KCNQ5: variants seen among roughly 807,000 people sequenced by gnomAD.
KCNQ5 encodes potassium voltage-gated channel subfamily KQT member 5.
In KCNQ5, 30 loss-of-function variants were observed where a neutral mutation model predicts 98.2. That is an observed-to-expected ratio of 0.31 (90% confidence interval 0.23 to 0.41). The LOEUF (loss-of-function observed/expected upper bound fraction) is 0.41, where lower values mean the gene tolerates loss of function less well. Among genes scored for constraint, KCNQ5 ranks in the 10% least tolerant of loss-of-function variants. KCNQ5 has a pLI of 1.00. For synonymous variants in KCNQ5, 458 were observed against 449.4 expected (o/e 1.02, Z -0.24); for missense variants, 835 against 1,182.5 (o/e 0.71, Z 4.31).
At chr6:73,037,894 T>C (rs1771511499) in intron 2 of KCNQ5, among the ~76,000 whole-genome samples, 1 of 152,114 alleles carries the variant, frequency 6.6e-6, no homozygotes, top group Non-Finnish European at 1.5e-5. Flanking sequence ...AATAAGTTTG[T>C]ATCTACCCCC....
At chr6:73,069,641 A>G (rs1773220279) in intron 3 of KCNQ5, among the ~76,000 whole-genome samples, 1 of 152,092 alleles carries the variant, frequency 6.6e-6, no homozygotes, top group Non-Finnish European at 1.5e-5. Flanking sequence ...ACAGGAGCAT[A>G]CCTCAGACCT....
Position 72,942,299 on chromosome 6 carries a change from A to G in KCNQ5, c.399-61609A>G, listed in dbSNP as rs569251792. Among the ~76,000 whole-genome samples the G allele has an allele frequency of 2.2e-3, 342 of 152,338 alleles. 1 individual carries two copies. Among genetic ancestry groups the G allele is most frequent in the African/African-American group, 7.9e-3 (330 of 41,576 alleles). ...GTTATTCACTGACCTGTAGTATCCA[A>G]ATTAAACCTATTTCTCTTATTCTGC... On this transcript the variant is annotated intron_variant, in intron 1 of 13. Coordinates refer to ENST00000370398, the MANE Select transcript of KCNQ5 (RefSeq NM_019842.4).
rs1245708170 is a variant in KCNQ5 at position 72,622,232 on chromosome 6, G to C, written c.43G>C (p.Gly15Arg). The C allele has an allele frequency of 1.4e-5, 17 of 1,237,056 alleles. No homozygotes were observed. Among genetic ancestry groups the C allele is most frequent in the Non-Finnish European group, 1.7e-5 (17 of 991,896 alleles). 76.6% of individuals were successfully genotyped at this position (1,237,056 alleles called of 1,614,324 possible). Residue 15 changes from glycine to arginine, a missense_variant, in exon 1 of 14, where the codon GGG (glycine) becomes CGG (arginine). By Grantham distance (125) the Gly-to-Arg change is moderately radical (BLOSUM62 -2). Coordinates refer to ENST00000370398, the MANE Select transcript of KCNQ5 (RefSeq NM_019842.4). The surrounding 1 kb of genome is among the most constrained non-coding windows in gnomAD (Gnocchi z 6.0). The stretch of plus-strand genomic sequence containing the variant: ...GGGAGGAGAGGAGGGCGGCGCCGCC[G>C]GGCTCTGGGTGAAGAGCGGCGCAGC... ...HAGGEEGGAAGLWVKSGAAAA... is the reference protein window; with the variant it reads ...HAGGEEGGAARLWVKSGAAAA...
chr6:72,818,211 C>T (rs916169365), intron 1 of KCNQ5, among the ~76,000 whole-genome samples: 2 of 151,984 alleles, frequency 1.3e-5, no homozygotes, highest in African/African-American at 4.8e-5. Context: ...TGAAGAAAGG[C>T]TGATTAATAA....
intron 3 of KCNQ5, among the ~76,000 whole-genome samples, chr6:73,050,779 G>C (rs1772199147): frequency 6.6e-6 from 1 of 152,088 alleles, no homozygotes; most frequent in African/African-American, 2.4e-5. Context: ...CACTATATCT[G>C]TTCTGTTTCA....
intron 1 of KCNQ5, among the ~76,000 whole-genome samples, chr6:72,730,202 T>G (rs1770489641): frequency 6.6e-6 from 1 of 152,156 alleles, no homozygotes; most frequent in Non-Finnish European, 1.5e-5. Flanking sequence ...AAGTGAATAT[T>G]CTGTAGGACC....
intron 1 of KCNQ5, among the ~76,000 whole-genome samples, chr6:72,835,258 A>G (rs539261411): frequency 3.3e-5 from 5 of 152,224 alleles, no homozygotes; most frequent in Admixed American, 3.3e-4. Flanking sequence ...TTTCATCAAC[A>G]TTACACGCTC....
At chr6:72,962,245 A>T (rs2150270246) in intron 1 of KCNQ5, among the ~76,000 whole-genome samples, 1 of 146,062 alleles carries the variant, frequency 6.8e-6, no homozygotes, top group Admixed American at 6.9e-5. Flanking sequence ...ATACACATAT[A>T]TATATACACA....
chr6:72,640,699 C>A (rs897293317), intron 1 of KCNQ5: 1 of 152,126 alleles, frequency 6.6e-6, no homozygotes, highest in African/African-American at 2.4e-5. Context: ...GCTGGAAGGA[C>A]CTTTGGTGAC....
chr6:73,100,085 T>C (rs1774697957), intron 5 of KCNQ5, among the ~76,000 whole-genome samples: 1 of 152,210 alleles, frequency 6.6e-6, no homozygotes, highest in Non-Finnish European at 1.5e-5. Flanking sequence ...AATATGCTCC[T>C]GAATGACCAA....
intron 1 of KCNQ5, among the ~76,000 whole-genome samples, chr6:72,844,733 G>A (rs987515069): frequency 6.6e-6 from 1 of 152,162 alleles, no homozygotes. Context: ...AAAGTAATCA[G>A]TCCTATAGGA....
At chr6:73,050,208 C>CAGAG (rs374575521) in intron 3 of KCNQ5, among the ~76,000 whole-genome samples, 1 of 136,836 alleles carries the variant, frequency 7.3e-6, no homozygotes, top group Admixed American at 8.1e-5. Context: ...CAGAGTAAGA[C>CAGAG]AGAGAGAGAG....
intron 11 of KCNQ5, among the ~76,000 whole-genome samples, chr6:73,173,439 G>A (rs549393305): frequency 9.4e-4 from 143 of 152,254 alleles, no homozygotes; most frequent in Non-Finnish European, 1.6e-3. Context: ...TACCTATTTC[G>A]TAGTAGATCA....
At chr6:73,089,706 CAATCTCAT>C (rs1774152988) in intron 5 of KCNQ5, among the ~76,000 whole-genome samples, 3 of 152,076 alleles carry the variant, frequency 2.0e-5, no homozygotes, top group African/African-American at 7.2e-5. Context: ...CAATAGTCTC[CAATCTCAT>C]CTAGGTGGCT....
At chr6:73,129,777 T>C (rs1196319180) in intron 9 of KCNQ5, 1 of 1,609,090 alleles carries the variant, frequency 6.2e-7, no homozygotes. Flanking sequence ...TGCTGCTCTA[T>C]TTCCCTCACT....
intron 1 of KCNQ5, among the ~76,000 whole-genome samples, chr6:72,649,016 A>T (rs955809939): frequency 6.6e-6 from 1 of 152,098 alleles, no homozygotes; most frequent in African/African-American, 2.4e-5. Context: ...AAATGAGTGA[A>T]ATTAGCTTTT....
chr6:73,000,647 C>T (rs1191088585), intron 1 of KCNQ5, among the ~76,000 whole-genome samples: 3 of 152,110 alleles, frequency 2.0e-5, no homozygotes, highest in Non-Finnish European at 2.9e-5. Flanking sequence ...CCACCACACC[C>T]GCTTCCCAGA....
intron 2 of KCNQ5, among the ~76,000 whole-genome samples, chr6:73,017,272 A>G (rs1028755672): frequency 6.6e-6 from 1 of 152,148 alleles, no homozygotes; most frequent in Non-Finnish European, 1.5e-5. Context: ...TTAGAAGATG[A>G]GAGAGAAATA....
At chr6:73,048,969 C>T (rs1406399500) in intron 3 of KCNQ5, among the ~76,000 whole-genome samples, 1 of 151,996 alleles carries the variant, frequency 6.6e-6, no homozygotes, top group Non-Finnish European at 1.5e-5. Context: ...AGAAATTGTC[C>T]CTTTTTGCCT....
Sources: allele counts gnomAD v4.1 joint callset (sites outside exome capture counted in the v4.1 genomes callset), GRCh38; gene constraint gnomAD v4.1.1; non-coding constraint Gnocchi (gnomAD v3.1); transcripts MANE v1.5; gene names NCBI Gene and HGNC (gene_info 2026-07-23, HGNC 2026-07-21).